The following SIN3A variants were observed in gnomAD, a reference collection of about 807,000 sequenced individuals.
SIN3A encodes the protein paired amphipathic helix protein Sin3a.
A neutral mutation model predicts 146.1 loss-of-function variants in SIN3A; 14 were observed. The ratio of observed to expected loss-of-function variants is 0.10; its 90% CI spans 0.06 to 0.15. SIN3A has a LOEUF of 0.15. Among genes scored for constraint, SIN3A ranks in the 10% least tolerant of loss-of-function variants. The pLI is 1.00. For missense variants in SIN3A, 1,028 were observed against 1,576.0 expected (o/e 0.65, Z 5.89); for synonymous variants, 572 against 572.0 (o/e 1.00, Z 0.00).
chr15:75,386,309 T>A (rs1252464082), intron 16 of SIN3A, among the ~76,000 whole-genome samples: 1 of 152,214 alleles, frequency 6.6e-6, no homozygotes, highest in African/African-American at 2.4e-5. Flanking sequence ...ATTACAGGCG[T>A]GAGCCACCGC....
At chr15:75,455,402 A>T (rs575059357), upstream of SIN3A, among the ~76,000 whole-genome samples, 58 of 152,020 alleles carry the variant, frequency 3.8e-4, no homozygotes, top group Middle Eastern at 3.4e-3. Context: ...TTTTCTTTTT[A>T]AAAAAACGGC....
chr15:75,440,238 T>G (rs1186290372), intron 1 of SIN3A, among the ~76,000 whole-genome samples: 2 of 141,642 alleles, frequency 1.4e-5, no homozygotes, highest in Admixed American at 1.4e-4. Context: ...AGCAAATTTG[T>G]TTTTTTTTTT....
At chr15:75,381,522 T>C (rs943815046) in intron 18 of SIN3A, 91 bp downstream of exon 18, 14 of 937,652 alleles carry the variant, frequency 1.5e-5, no homozygotes, top group African/African-American at 5.0e-5. Context: ...CTGAGGTGCC[T>C]TGGCCTTTTG....
At position 75,407,105 on chromosome 15, in the gene SIN3A, C is replaced by T. The variant is rs1292965645; in HGVS notation, c.1357G>A (p.Ala453Thr). ...CCACCACCATGTTTGCTGGCATCTG[C>T]CATAGAAGAATCCTTCAGATTGAGC... ...KLLNLKDSSM[A>T]DASKHGGGTE... Residue 453 changes from alanine to threonine, a missense_variant, in exon 9 of 21, where the codon GCA becomes ACA. Ala to Thr is a moderately conservative substitution (Grantham distance 58). Transcript: ENST00000394947. The T allele has an allele frequency of 6.2e-7, 1 of 1,612,838 alleles. No individual in the cohort carries two copies. The highest frequency in any genetic ancestry group is 8.5e-7 in the Non-Finnish European group (1 of 1,179,424).
At chr15:75,446,875 C>T (rs1038959792) in intron 1 of SIN3A, among the ~76,000 whole-genome samples, 2 of 152,096 alleles carry the variant, frequency 1.3e-5, no homozygotes, top group Admixed American at 6.5e-5. Flanking sequence ...GGGTTCACAC[C>T]ATTCTCCTGC....
upstream of SIN3A, among the ~76,000 whole-genome samples, chr15:75,452,687 T>C (rs1326822844): frequency 2.0e-5 from 3 of 152,144 alleles, no homozygotes; most frequent in East Asian, 5.8e-4. Context: ...CTGGCAAGCC[T>C]CCGGAAGGCG....
At chr15:75,439,753 C>T (rs558941517) in intron 1 of SIN3A, among the ~76,000 whole-genome samples, 21 of 152,164 alleles carry the variant, frequency 1.4e-4, no homozygotes, top group East Asian at 3.9e-4. Context: ...TCTTTTTTTA[C>T]GCCTGGTCTC....
intron 12 of SIN3A, among the ~76,000 whole-genome samples, chr15:75,396,744 A>G (rs886538362): frequency 1.3e-5 from 2 of 152,170 alleles, no homozygotes; most frequent in Admixed American, 6.6e-5. Context: ...GGCACATAAG[A>G]ACCACAGGAT....
intron 13 of SIN3A, 47 bp downstream of exon 13, chr15:75,396,211 C>T (rs780673755): frequency 2.3e-5 from 30 of 1,297,210 alleles, no homozygotes; most frequent in South Asian, 1.1e-4. Context: ...GACACTGAAC[C>T]GGTAGTGAAG....
intron 3 of SIN3A, among the ~76,000 whole-genome samples, chr15:75,416,421 G>A (rs2073738355): frequency 1.3e-5 from 2 of 152,348 alleles, no homozygotes; most frequent in East Asian, 1.9e-4. Flanking sequence ...TGCCTCCGGG[G>A]TTCAAGCGAT....
At chr15:75,427,996 T>TG (rs1181363879) in intron 2 of SIN3A, among the ~76,000 whole-genome samples, 3 of 151,764 alleles carry the variant, frequency 2.0e-5, no homozygotes, top group African/African-American at 4.8e-5. Flanking sequence ...AATAAATAAA[T>TG]AAATGAATAA....
intron 6 of SIN3A, among the ~76,000 whole-genome samples, chr15:75,411,266 T>C (rs1178818139): frequency 6.6e-6 from 1 of 152,216 alleles, no homozygotes; most frequent in Non-Finnish European, 1.5e-5. Flanking sequence ...AGGCGGAGAC[T>C]GCAGTGAGCT....
At chr15:75,450,819 G>A (rs190631696) in intron 1 of SIN3A, among the ~76,000 whole-genome samples, 2 of 152,332 alleles carry the variant, frequency 1.3e-5, no homozygotes, top group East Asian at 1.9e-4. Context: ...AGACCCGACA[G>A]CGGGCTTTCC....
chr15:75,453,267 A>C (rs565562533), upstream of SIN3A: 22 of 152,528 alleles, frequency 1.4e-4, no homozygotes, highest in African/African-American at 4.8e-4. Context: ...CACAGCAGCG[A>C]ATTGTGAACT....
chr15:75,391,426 T>C (rs1378514882), intron 15 of SIN3A, among the ~76,000 whole-genome samples: 1 of 152,096 alleles, frequency 6.6e-6, no homozygotes, highest in Non-Finnish European at 1.5e-5. Flanking sequence ...GCTTTCAGAA[T>C]TATTTTTCAG....
At chr15:75,448,859 C>T (rs2074353135) in intron 1 of SIN3A, among the ~76,000 whole-genome samples, 2 of 152,180 alleles carry the variant, frequency 1.3e-5, no homozygotes, top group Admixed American at 6.5e-5. Context: ...CAAATTACTA[C>T]ACACCTCCTT....
chr15:75,409,708 C>CA, intron 8 of SIN3A, 128 bp downstream of exon 8: 1 of 1,007,940 alleles, frequency 9.9e-7, no homozygotes, highest in East Asian at 2.4e-5. Context: ...GCTTGGGCGA[C>CA]AGAGCGAGAC....
intron 3 of SIN3A, chr15:75,422,394 C>T (rs752305677): frequency 1.2e-5 from 7 of 603,886 alleles, no homozygotes; most frequent in Non-Finnish European, 2.1e-5. Context: ...TAAAATGGCC[C>T]CACAATCCTG....
intron 1 of SIN3A, among the ~76,000 whole-genome samples, chr15:75,439,283 T>C (rs986928324): frequency 1.3e-5 from 2 of 151,990 alleles, no homozygotes; most frequent in African/African-American, 2.4e-5. Flanking sequence ...TGGCCCAAAA[T>C]GTCAACAGTG....
Sources: allele counts gnomAD v4.1 joint callset (sites outside exome capture counted in the v4.1 genomes callset), GRCh38; gene constraint gnomAD v4.1.1; transcripts MANE v1.5; gene names NCBI Gene and HGNC (gene_info 2026-07-23, HGNC 2026-07-21).